The following CFHR4 variants were observed in gnomAD, a reference collection of about 807,000 sequenced individuals.
CFHR4 encodes the protein complement factor H related 4.
In CFHR4, 64 loss-of-function variants were observed where a neutral mutation model predicts 69.3. The ratio of observed to expected loss-of-function variants is 0.92; its 90% CI spans 0.76 to 1.14. CFHR4 has a LOEUF of 1.14. Ranked by LOEUF, CFHR4 falls within the 50% of genes most tolerant of loss-of-function variation. The pLI, the probability that CFHR4 is intolerant of heterozygous loss-of-function variation, is 0.00. For synonymous variants in CFHR4, 244 were observed against 237.0 expected, an observed-to-expected ratio of 1.03 and a Z score of -0.27; for missense variants, 636 against 684.9, an observed-to-expected ratio of 0.93 and a Z score of 0.80.
At chr1:196,898,473 T>C (rs1657425493) in intron 1 of CFHR4, among the ~76,000 whole-genome samples, 1 of 151,636 alleles carries the variant, frequency 6.6e-6, no homozygotes, top group Admixed American at 6.6e-5. Context: ...AAAACAATTA[T>C]TGTAAACTAA....
chr1:196,901,769 A>T (rs1304597933), intron 1 of CFHR4, among the ~76,000 whole-genome samples: 2 of 151,410 alleles, frequency 1.3e-5, no homozygotes, highest in African/African-American at 4.9e-5. Context: ...ATTGTATATA[A>T]AACATTAAAA....
chr1:196,891,843 T>G (rs192053319), intron 1 of CFHR4, among the ~76,000 whole-genome samples: 3 of 151,352 alleles, frequency 2.0e-5, no homozygotes, highest in Admixed American at 1.3e-4. Flanking sequence ...TATATGTATA[T>G]TCGTGTGTGG....
chr1:196,906,300 C>G (rs533295902), intron 3 of CFHR4, among the ~76,000 whole-genome samples: 3 of 151,568 alleles, frequency 2.0e-5, no homozygotes, highest in African/African-American at 7.3e-5. Context: ...TTCTAGAATA[C>G]TGTTTTCAAT....
rs776595898 is a variant in CFHR4, at chr1:196,906,960, A to G, written c.539A>G (p.Tyr180Cys). 6 of 1,612,688 alleles carry G rather than the reference A, an allele frequency of 3.7e-6. No individual in the cohort carries two copies. The African/African-American group carries it at 8.1e-5, about 22-fold the overall frequency. ...TTGGACTATGAATGCTATGATGGAT[A>G]TGAAAGCAGTTATGGAAACACCACA... The part of the protein sequence containing the change: ...DTLDYECYDG[Y>C]ESSYGNTTDS... The change falls in exon 4 of 10, where the codon TAT (tyrosine) becomes TGT (cysteine). Residue 180 changes from tyrosine to cysteine, a missense_variant. Around this residue, in one of 3 missense-constraint regions of CFHR4, gnomAD observed 529 missense variants for 533.2 expected, o/e 0.99. Coordinates refer to ENST00000608469, the MANE Select transcript of CFHR4 (RefSeq NM_001201550.3).
chr1:196,894,205 C>T (rs1657171503), intron 1 of CFHR4, among the ~76,000 whole-genome samples: 2 of 151,392 alleles, frequency 1.3e-5, no homozygotes, highest in Non-Finnish European at 2.9e-5. Flanking sequence ...GCATTGGTTT[C>T]CTAAATTATG....
chr1:196,913,906 C>T (rs1658424916), intron 7 of CFHR4, among the ~76,000 whole-genome samples: 1 of 151,316 alleles, frequency 6.6e-6, no homozygotes, highest in African/African-American at 2.4e-5. Context: ...TCCTACATTT[C>T]TAGAATACTG....
chr1:196,916,503 T>C (rs1178373507), intron 9 of CFHR4, among the ~76,000 whole-genome samples: 1 of 151,886 alleles, frequency 6.6e-6, no homozygotes, highest in African/African-American at 2.4e-5. Flanking sequence ...TTGGCTGATC[T>C]TACAATGGGC....
rs1658474175 is a variant in CFHR4 at position 196,914,612 on chromosome 1, A to T, written c.1298A>T (p.Asn433Ile). ...CYDGYEISYGNTTGSIVCGED... is the reference protein window; with the variant it reads ...CYDGYEISYGITTGSIVCGED... ...GATGGATATGAAATCAGTTATGGAA[A>T]CACCACAGGTTCCATAGTGTGTGGT... is the stretch of plus-strand genomic sequence containing the variant. The change falls in exon 8 of 10, where the codon AAC (asparagine) becomes ATC (isoleucine). Residue 433 changes from asparagine (N) to isoleucine (I), a missense_variant. Physicochemically the swap from Asn to Ile is moderately radical, Grantham distance 149. Transcript: ENST00000608469. The T allele has an allele frequency of 6.2e-7, 1 of 1,611,722 alleles. No homozygotes were observed. The highest frequency in any genetic ancestry group is 8.5e-7 in the Non-Finnish European group (1 of 1,179,088).
Position 196,918,329 on chromosome 1 carries a change from T to C in CFHR4, c.1660T>C (p.Tyr554His), listed in dbSNP as rs200101982. ...DTIEFMCKLG[Y>H]NANTSVLSFQ... ...CATTGAATTTATGTGTAAATTGGGA[T>C]ATAATGCGAATACATCAGTTCTATC... The change falls in exon 10 of 10, where the codon TAT (tyrosine) becomes CAT (histidine). Residue 554 changes from tyrosine to histidine, a missense_variant. Coordinates refer to ENST00000608469, the MANE Select transcript of CFHR4 (RefSeq NM_001201550.3). 3 of 1,611,956 alleles carry C rather than the reference T, an allele frequency of 1.9e-6. No individual in the cohort carries two copies. Among genetic ancestry groups the C allele is most frequent in the Admixed American group, 1.7e-5 (1 of 59,908 alleles).
At chr1:196,908,965 T>G (rs541061525) in intron 5 of CFHR4, among the ~76,000 whole-genome samples, 1 of 151,684 alleles carries the variant, frequency 6.6e-6, no homozygotes, top group South Asian at 2.1e-4. Context: ...TTGTCCCTAT[T>G]TATGTATCCA....
chr1:196,898,505 C>T (rs2124943729), intron 1 of CFHR4, among the ~76,000 whole-genome samples: 2 of 151,578 alleles, frequency 1.3e-5, no homozygotes, highest in African/African-American at 4.9e-5. Flanking sequence ...ATGTTTGCTA[C>T]TCAGAATTAT....
intron 2 of CFHR4, among the ~76,000 whole-genome samples, chr1:196,904,713 G>A (rs1170971715): frequency 2.0e-5 from 3 of 151,530 alleles, no homozygotes; most frequent in Non-Finnish European, 4.4e-5. Context: ...TGTGGTAGCA[G>A]TGTGTACTGT....
chr1:196,905,821 A>G (rs939193562), intron 3 of CFHR4, among the ~76,000 whole-genome samples: 3 of 151,494 alleles, frequency 2.0e-5, no homozygotes, highest in Non-Finnish European at 4.4e-5. Flanking sequence ...TACAGAGAAA[A>G]CAAGTAAAGA....
intron 1 of CFHR4, among the ~76,000 whole-genome samples, chr1:196,900,147 A>G (rs999143195): frequency 3.3e-5 from 5 of 151,418 alleles, no homozygotes; most frequent in Admixed American, 3.3e-4. Context: ...AGCAACCACT[A>G]TAAAAATTAG....
At position 196,910,487 on chromosome 1, in the gene CFHR4, A is replaced by T. The variant is rs1210514496; in HGVS notation, c.997+9A>T. ...AACAGTCCCATGCCTCAGTAAGCAA[A>T]CCTCTTTACAACAATATGTGCATAA... On this transcript the variant is annotated intron_variant, in intron 6 of 9. Transcript: ENST00000608469. 1 of 1,603,200 alleles carries T rather than the reference A, an allele frequency of 6.2e-7. No individual in the cohort carries two copies. Among genetic ancestry groups the T allele is most frequent in the South Asian group, 1.1e-5 (1 of 90,718 alleles).
At position 196,910,477 on chromosome 1, in the gene CFHR4, C is replaced by T. The variant is rs746484307; in HGVS notation, c.996C>T (p.Leu332=). Residue 332 remains leucine, a splice_region_variant and synonymous_variant, in exon 6 of 10, where the codon CTC becomes CTT. Transcript: ENST00000608469. ...QDGWLPTVPC[L]RTCSKSDIEI... Reference sequence around the variant, plus strand: ...GGTGGTTGCCAACAGTCCCATGCCTCAGTAAGCAAACCTCTTTACAACAAT... The same window carrying T: ...GGTGGTTGCCAACAGTCCCATGCCTTAGTAAGCAAACCTCTTTACAACAAT... 8 of 1,609,428 alleles carry T rather than the reference C, an allele frequency of 5.0e-6. No individual in the cohort carries two copies. In the Admixed American group the frequency reaches 1.0e-4, roughly 20 times the overall value.
chr1:196,911,246 T>C (rs1658256328), intron 6 of CFHR4, among the ~76,000 whole-genome samples: 1 of 151,596 alleles, frequency 6.6e-6, no homozygotes, highest in African/African-American at 2.4e-5. Context: ...TCTGAATACA[T>C]TTATAATTTC....
At chr1:196,915,586 G>T (rs1240264914) in intron 9 of CFHR4, among the ~76,000 whole-genome samples, 14 of 151,366 alleles carry the variant, frequency 9.2e-5, no homozygotes, top group Non-Finnish European at 2.1e-4. Context: ...AGTGAGCGGA[G>T]ATTGCACCAT....
intron 1 of CFHR4, among the ~76,000 whole-genome samples, chr1:196,896,438 G>T (rs1210846076): frequency 2.0e-5 from 3 of 151,530 alleles, no homozygotes. Flanking sequence ...GGAGGGGCTT[G>T]CAACAATGGA....
Sources: allele counts gnomAD v4.1 joint callset (sites outside exome capture counted in the v4.1 genomes callset), GRCh38; gene constraint gnomAD v4.1.1; regional missense constraint gnomAD v4.1.1; transcripts MANE v1.5; gene names NCBI Gene and HGNC (gene_info 2026-07-23, HGNC 2026-07-21).